Variants in WAC observed in about 807,000 individuals in gnomAD.
WAC encodes the protein WW domain containing adaptor with coiled-coil, also known as WW domain-containing adapter protein with coiled-coil.
Under a neutral mutation model 79.6 loss-of-function variants are expected in WAC, and 11 were observed. The ratio of observed to expected loss-of-function variants is 0.14; its 90% CI spans 0.09 to 0.23. The LOEUF (loss-of-function observed/expected upper bound fraction) is 0.23. Ranked by LOEUF, WAC falls within the 10% of genes least tolerant of loss-of-function variation. WAC has a pLI of 1.00. For synonymous variants in WAC, 304 were observed against 276.9 expected (o/e 1.10, Z -0.97); for missense variants, 728 against 773.5 (o/e 0.94, Z 0.70).
chr10:28,566,826 CAT>C (rs1414765926), intron 3 of WAC, among the ~76,000 whole-genome samples: 1 of 152,118 alleles, frequency 6.6e-6, no homozygotes, highest in African/African-American at 2.4e-5. Flanking sequence ...GATATGAGGA[CAT>C]GTGTCAGTTT....
At chr10:28,600,919 T>A (rs1363630068) in intron 7 of WAC, among the ~76,000 whole-genome samples, 1 of 151,604 alleles carries the variant, frequency 6.6e-6, no homozygotes, top group Non-Finnish European at 1.5e-5. Context: ...AGAGAAGAGC[T>A]GTTGCACCAT....
intron 1 of WAC, 32 bp downstream of exon 1, chr10:28,533,652 CGG>C (rs746254974): frequency 5.6e-6 from 8 of 1,431,000 alleles, no homozygotes; most frequent in Admixed American, 1.9e-5. Flanking sequence ...GGCCGGGCGG[CGG>C]CGGGGGGCGG....
intron 4 of WAC, chr10:28,588,800 A>G (rs368712677): frequency 6.6e-6 from 1 of 152,208 alleles, no homozygotes; most frequent in Admixed American, 6.5e-5. Flanking sequence ...TACATACAGT[A>G]TATTTTTATA....
chr10:28,601,848 C>G (rs1305150696), intron 7 of WAC, among the ~76,000 whole-genome samples: 1 of 152,104 alleles, frequency 6.6e-6, no homozygotes, highest in African/African-American at 2.4e-5. Context: ...TGGTCAAATT[C>G]ATACAGACAG....
At chr10:28,547,941 A>G (rs1486143513) in intron 3 of WAC, among the ~76,000 whole-genome samples, 4 of 125,726 alleles carry the variant, frequency 3.2e-5, no homozygotes, top group African/African-American at 9.4e-5. Context: ...CTTCTTTGAG[A>G]GAGAGTTTCG....
intron 3 of WAC, among the ~76,000 whole-genome samples, chr10:28,570,380 G>T (rs11007150): frequency 0.023 from 3,466 of 152,200 alleles, 145 homozygotes; most frequent in African/African-American, 0.078. Flanking sequence ...TATATTCTTG[G>T]ATATGACACT....
chr10:28,539,226 T>C (rs1267349368), intron 3 of WAC, among the ~76,000 whole-genome samples: 1 of 152,174 alleles, frequency 6.6e-6, no homozygotes, highest in Non-Finnish European at 1.5e-5. Context: ...CATTGAAAAA[T>C]GCTCGTTCAG....
At chr10:28,606,055 GT>G (rs35927464) in intron 7 of WAC, among the ~76,000 whole-genome samples, 120,342 of 145,650 alleles carry the variant, frequency 0.83, 49,615 homozygotes, top group East Asian at 0.93. Flanking sequence ...CAGTTTTTTG[GT>G]TTTTTTTTTT....
At chr10:28,563,769 T>TTTTTTTTTTTTTTTTTTTTTA (rs1163758803) in intron 3 of WAC, among the ~76,000 whole-genome samples, 1 of 120,554 alleles carries the variant, frequency 8.3e-6, no homozygotes, top group Non-Finnish European at 1.9e-5. Flanking sequence ...TTTTTTTTTT[T>TTTTTTTTTTTTTTTTTTTTTA]TTTTGTATTT....
At position 28,533,910 on chromosome 10, in the gene WAC, G is replaced by T. The variant is rs1283309244; in HGVS notation, c.42-88G>T. Reference sequence around the variant, plus strand: ...GGGCGCTCGGTAGGTCTCCCGCGGGGAGGGGCGGCGGGGGCCCCGTTTTCT... The same window carrying T: ...GGGCGCTCGGTAGGTCTCCCGCGGGTAGGGGCGGCGGGGGCCCCGTTTTCT... On this transcript the variant is annotated intron_variant, in intron 1 of 13. Coordinates refer to ENST00000354911, the MANE Select transcript of WAC (RefSeq NM_016628.5). 1.3e-6 allele frequency: 2 copies of T among 1,507,188 alleles called. No homozygotes were observed. The highest frequency in any genetic ancestry group is 1.8e-6 in the Non-Finnish European group (2 of 1,096,518). 93.4% of individuals were successfully genotyped at this position (1,507,188 alleles called of 1,614,324 possible). A position where few individuals can be genotyped will look rare whatever the true frequency, so the allele number is the denominator to read the frequency against.
At position 28,548,797 on chromosome 10, in the gene WAC, A is replaced by G. The variant is rs75498054; in HGVS notation, c.274+13040A>G. 3.3e-3 allele frequency among the ~76,000 whole-genome samples: 508 copies of G among 152,296 alleles called. 1 individual carries two copies. Among genetic ancestry groups the G allele is most frequent in the African/African-American group, 0.012 (489 of 41,564 alleles). On this transcript the variant is annotated intron_variant, in intron 3 of 13. Transcript: ENST00000354911. ...TATGGTTGAAAATGTTTGCTGTCTG[A>G]GCTGTCCAGTGTGGTAGCCACCAGC... is the stretch of plus-strand genomic sequence containing the variant.
intron 5 of WAC, among the ~76,000 whole-genome samples, chr10:28,590,466 C>T (rs1046978803): frequency 2.0e-5 from 3 of 152,050 alleles, no homozygotes; most frequent in African/African-American, 7.2e-5. Flanking sequence ...ATGTTTCTTT[C>T]ACATGTAGAA....
At chr10:28,589,916 C>A in intron 5 of WAC, 65 bp downstream of exon 5, 1 of 1,166,126 alleles carries the variant, frequency 8.6e-7, no homozygotes, top group South Asian at 1.3e-5. Context: ...TAACATCTTA[C>A]AGCATTAAAC....
intron 3 of WAC, among the ~76,000 whole-genome samples, chr10:28,547,181 T>C (rs1362592765): frequency 6.6e-6 from 1 of 152,194 alleles, no homozygotes; most frequent in Non-Finnish European, 1.5e-5. Flanking sequence ...CATAGTTCAT[T>C]TCATTTCTCA....
intron 3 of WAC, among the ~76,000 whole-genome samples, chr10:28,569,398 GCT>G (rs1415636287): frequency 6.6e-6 from 1 of 152,152 alleles, no homozygotes; most frequent in African/African-American, 2.4e-5. Flanking sequence ...GTTATCAACT[GCT>G]CTCTTTTGAT....
At chr10:28,556,914 TTC>T (rs1157992981) in intron 3 of WAC, among the ~76,000 whole-genome samples, 2 of 152,186 alleles carry the variant, frequency 1.3e-5, no homozygotes, top group Non-Finnish European at 2.9e-5. Flanking sequence ...TGGTGTGTGT[TTC>T]TGTTTTTATA....
At position 28,611,791 on chromosome 10, in the gene WAC, T is replaced by G; in HGVS notation, c.1306T>G (p.Ser436Ala). The change falls in exon 10 of 14, where the codon TCT becomes GCT. Residue 436 changes from serine (S) to alanine (A), a missense_variant. Coordinates refer to ENST00000354911, the MANE Select transcript of WAC (RefSeq NM_016628.5). ...TTTTACAGCCCAGCCATCTAATCAG[T>G]CTCCGATGTCTTTAACATCTGATGC... ...LSTQAQPSNQ[S>A]PMSLTSDASS... 6.2e-7 allele frequency: 1 copy of G among 1,614,034 alleles called. No individual in the cohort carries two copies.
intron 3 of WAC, among the ~76,000 whole-genome samples, chr10:28,539,921 C>T (rs1365512695): frequency 2.0e-5 from 3 of 152,070 alleles, no homozygotes; most frequent in African/African-American, 7.2e-5. Flanking sequence ...AATGTATTTT[C>T]ATCTCCCTAA....
At chr10:28,571,280 C>T (rs905909519) in intron 3 of WAC, among the ~76,000 whole-genome samples, 1 of 152,072 alleles carries the variant, frequency 6.6e-6, no homozygotes, top group Non-Finnish European at 1.5e-5. Context: ...GAGTACTATT[C>T]AGAAGCATCG....
Sources: gnomAD v4.1 joint callset for allele counts (sites outside exome capture counted in the v4.1 genomes callset) on GRCh38, gnomAD v4.1.1 for gene constraint, MANE v1.5 for transcripts, NCBI Gene and HGNC (gene_info 2026-07-23, HGNC 2026-07-21) for gene names.